The following NRG3 variants were observed in gnomAD, a reference collection of about 807,000 sequenced individuals.
NRG3 encodes the protein pro-neuregulin-3, membrane-bound isoform.
NRG3 carries 31 observed loss-of-function variants against 66.9 expected under a neutral mutation model. That is an observed-to-expected ratio of 0.46 (90% CI 0.35 to 0.63). The LOEUF (loss-of-function observed/expected upper bound fraction) is 0.63. Among genes scored for constraint, NRG3 ranks in the 20% least tolerant of loss-of-function variants. The pLI is 0.00. For missense variants in NRG3, 910 were observed against 878.9 expected (o/e 1.04, Z -0.45); for synonymous variants, 393 against 359.4 (o/e 1.09, Z -1.06).
chr10:82,217,706 C>CCT (rs145117156), intron 1 of NRG3, among the ~76,000 whole-genome samples: 16,855 of 152,168 alleles, frequency 0.11, 1,044 homozygotes, highest in Middle Eastern at 0.18. Context: ...AGCAGTATGG[C>CCT]CTGTGTGCTC....
intron 1 of NRG3, among the ~76,000 whole-genome samples, chr10:82,328,497 C>G (rs1366304291): frequency 6.6e-6 from 1 of 152,144 alleles, no homozygotes; most frequent in East Asian, 1.9e-4. Flanking sequence ...ATATTTTTTA[C>G]TGATTGGTTG....
At chr10:82,681,052 T>G (rs956641027) in intron 2 of NRG3, among the ~76,000 whole-genome samples, 1 of 152,220 alleles carries the variant, frequency 6.6e-6, no homozygotes, top group Non-Finnish European at 1.5e-5. Context: ...TTACAGGATT[T>G]TATGTCAAAG....
At chr10:82,688,126 T>G (rs931958846) in intron 2 of NRG3, among the ~76,000 whole-genome samples, 8 of 152,330 alleles carry the variant, frequency 5.3e-5, no homozygotes, top group African/African-American at 1.9e-4. Flanking sequence ...GTATATAAGA[T>G]ACAGGTAAAA....
intron 1 of NRG3, among the ~76,000 whole-genome samples, chr10:82,296,539 A>G (rs1223603604): frequency 6.6e-6 from 1 of 152,202 alleles, no homozygotes; most frequent in African/African-American, 2.4e-5. Flanking sequence ...ATTGATAAAT[A>G]GTATTTGTAC....
intron 1 of NRG3, among the ~76,000 whole-genome samples, chr10:82,243,074 T>C (rs2077074414): frequency 6.6e-6 from 1 of 152,244 alleles, no homozygotes; most frequent in Non-Finnish European, 1.5e-5. Context: ...AAAATTTTAT[T>C]GTGCACTGTG....
intron 1 of NRG3, among the ~76,000 whole-genome samples, chr10:82,217,346 A>G (rs147962826): frequency 1.1e-4 from 16 of 152,244 alleles, no homozygotes; most frequent in African/African-American, 3.1e-4. Context: ...AGATGTTCCA[A>G]TATTTGTTCT....
At chr10:82,981,730 CTT>C (rs985556354) in intron 8 of NRG3, among the ~76,000 whole-genome samples, 5 of 152,272 alleles carry the variant, frequency 3.3e-5, no homozygotes, top group African/African-American at 9.6e-5. Context: ...CTTGAGGAAA[CTT>C]TGTCATGACT....
chr10:82,640,385 C>A (rs1053231548), intron 2 of NRG3, among the ~76,000 whole-genome samples: 1 of 152,202 alleles, frequency 6.6e-6, no homozygotes, highest in Non-Finnish European at 1.5e-5. Flanking sequence ...ATAGCCATAG[C>A]CAGTTAGGCC....
chr10:82,810,432 G>T (rs501376), intron 3 of NRG3, among the ~76,000 whole-genome samples: 96,275 of 151,896 alleles, frequency 0.63, 32,644 homozygotes, highest in African/African-American at 0.89. Flanking sequence ...AAAATGGACT[G>T]GATTAGTATG....
intron 3 of NRG3, among the ~76,000 whole-genome samples, chr10:82,767,698 T>A (rs1044113484): frequency 6.6e-6 from 1 of 152,098 alleles, no homozygotes; most frequent in Non-Finnish European, 1.5e-5. Flanking sequence ...ATATTCCTAG[T>A]CTTTTATTTA....
chr10:82,516,512 T>C (rs948582054), intron 2 of NRG3, among the ~76,000 whole-genome samples: 3 of 152,100 alleles, frequency 2.0e-5, no homozygotes, highest in Non-Finnish European at 4.4e-5. Flanking sequence ...ACACAAATAA[T>C]GCATAATGAC....
chr10:82,850,939 CCTAT>C (rs1279038903), intron 3 of NRG3, among the ~76,000 whole-genome samples: 1 of 152,046 alleles, frequency 6.6e-6, no homozygotes, highest in Non-Finnish European at 1.5e-5. Context: ...ATACTTGAAA[CCTAT>C]CACCTGAGTT....
At chr10:82,546,261 C>T (rs1478774549) in intron 2 of NRG3, among the ~76,000 whole-genome samples, 2 of 152,188 alleles carry the variant, frequency 1.3e-5, no homozygotes, top group African/African-American at 4.8e-5. Context: ...CAGAATTACT[C>T]ATACAATTTG....
At chr10:82,934,742 C>T (rs565805595) in intron 4 of NRG3, among the ~76,000 whole-genome samples, 3 of 152,352 alleles carry the variant, frequency 2.0e-5, no homozygotes, top group African/African-American at 7.2e-5. Context: ...TAATTAACTC[C>T]TCCTGCCCTC....
chr10:82,031,598 AT>A (rs1306098272), intron 1 of NRG3, among the ~76,000 whole-genome samples: 2 of 152,140 alleles, frequency 1.3e-5, no homozygotes, highest in Non-Finnish European at 2.9e-5. Context: ...TGAAAACCAC[AT>A]GATATCCTGT....
At chr10:82,414,841 G>T (rs2088414177) in intron 2 of NRG3, among the ~76,000 whole-genome samples, 1 of 152,158 alleles carries the variant, frequency 6.6e-6, no homozygotes, top group African/African-American at 2.4e-5. Flanking sequence ...CCAGCAGGCT[G>T]AAAACAGGAA....
chr10:82,569,128 C>T (rs995290629), intron 2 of NRG3, among the ~76,000 whole-genome samples: 1 of 151,628 alleles, frequency 6.6e-6, no homozygotes, highest in Admixed American at 6.6e-5. Flanking sequence ...AGCATTATAG[C>T]CTGAAAACTT....
chr10:82,730,217 T>C (rs2057830650), intron 2 of NRG3, among the ~76,000 whole-genome samples: 1 of 152,050 alleles, frequency 6.6e-6, no homozygotes, highest in South Asian at 2.1e-4. Flanking sequence ...CCCAGGTAGC[T>C]GAGACTACAG....
intron 1 of NRG3, among the ~76,000 whole-genome samples, chr10:81,980,312 G>A (rs1191714166): frequency 6.6e-6 from 1 of 152,066 alleles, no homozygotes; most frequent in Non-Finnish European, 1.5e-5. Context: ...ATTTGGGCAA[G>A]TTAGCTAACT....
Sources: allele counts gnomAD v4.1 joint callset (sites outside exome capture counted in the v4.1 genomes callset), GRCh38; gene constraint gnomAD v4.1.1; transcripts MANE v1.5; gene names NCBI Gene and HGNC (gene_info 2026-07-23, HGNC 2026-07-21).